ELFN1: variants seen among roughly 807,000 people sequenced by gnomAD.
The protein encoded by ELFN1 is protein ELFN1.
Under a neutral mutation model 7.6 loss-of-function variants are expected in ELFN1, and 6 were observed. The observed-to-expected ratio is 0.79, with a 90% confidence interval of 0.43 to 1.56. The LOEUF is 1.56. Among genes scored for constraint, ELFN1 ranks in the 40% most tolerant of loss-of-function variants. The probability of loss-of-function intolerance (pLI) is 0.01; values close to 1 mark genes in which losing one functional copy is unlikely to be tolerated. For synonymous variants in ELFN1, 657 were observed against 588.1 expected (o/e 1.12, Z -1.70); for missense variants, 1,169 against 1,232.2 (o/e 0.95, Z 0.77).
Position 1,747,164 on chromosome 7 carries a change from G to C in ELFN1, c.*81G>C. 5.9e-6 allele frequency: 8 copies of C among 1,357,976 alleles called. No individual in the cohort carries two copies. Among genetic ancestry groups the C allele is most frequent in the Non-Finnish European group, 7.7e-6 (8 of 1,037,792 alleles). 84.1% of individuals were successfully genotyped at this position (1,357,976 alleles called of 1,614,324 possible). ...AGACTCAGCACCAAACCCAACACAC[G>C]CACGCCACCACAGCAACTGTGACAG... On this transcript the variant is annotated 3_prime_UTR_variant, in exon 4 of 4. Coordinates refer to ENST00000424383, the MANE Select transcript of ELFN1 (RefSeq NM_001128636.4).
chr7:1,697,569 G>T (rs1005455790), intron 2 of ELFN1, among the ~76,000 whole-genome samples: 1 of 152,162 alleles, frequency 6.6e-6, no homozygotes. Flanking sequence ...CTGTCTTCTC[G>T]TCCACGCACC....
chr7:1,709,279 TCTCCG>T (rs1254444063), intron 3 of ELFN1, 27 bp downstream of exon 3: 2 of 152,192 alleles, frequency 1.3e-5, no homozygotes, highest in African/African-American at 4.8e-5. Flanking sequence ...TTCCTCATGC[TCTCCG>T]CAGGGGGTTG....
At position 1,745,336 on chromosome 7, in the gene ELFN1, A is replaced by G. The variant is rs1228104527; in HGVS notation, c.740A>G (p.Gln247Arg). Residue 247 changes from glutamine to arginine, a missense_variant, in exon 4 of 4, where the codon CAG becomes CGG. Coordinates refer to ENST00000424383, the MANE Select transcript of ELFN1 (RefSeq NM_001128636.4). ...CACCGCAGCATCCTCAGCAAACTGC[A>G]GTCAGTCTGCACCGAGGACTCGTAC... ...RGHRSILSKLQSVCTEDSYAA... is the reference protein window; with the variant it reads ...RGHRSILSKLRSVCTEDSYAA... 3.9e-6 allele frequency: 6 copies of G among 1,539,802 alleles called. No homozygotes were observed. Among genetic ancestry groups the G allele is most frequent in the Non-Finnish European group, 8.7e-7 (1 of 1,146,718 alleles).
rs1779284705 is a variant in ELFN1 at position 1,695,558 on chromosome 7, CA to C, written c.-456+7410del. ...GCCAGGAGTTCAAGACAAGCCTGGC[CA>C]ACATGGAGAAACCCCGTCTCTACTA... On this transcript the variant is annotated intron_variant, in intron 2 of 3. Transcript: ENST00000424383. This position sits in a 1 kb window ranked among gnomAD's most constrained non-coding sequence, Gnocchi z 5.1. Among the ~76,000 whole-genome samples, 1 of 152,028 alleles carries C rather than the reference CA, an allele frequency of 6.6e-6. No individual in the cohort carries two copies. Among genetic ancestry groups the C allele is most frequent in the South Asian group, 2.1e-4 (1 of 4,808 alleles).
At chr7:1,710,323 G>A (rs1045428877) in intron 3 of ELFN1, among the ~76,000 whole-genome samples, 6 of 152,160 alleles carry the variant, frequency 3.9e-5, no homozygotes, top group Admixed American at 1.3e-4. Flanking sequence ...TTTTCTGCTC[G>A]TGGTCAGATG....
intron 2 of ELFN1, among the ~76,000 whole-genome samples, chr7:1,688,476 C>G (rs1779098281): frequency 6.6e-6 from 1 of 152,130 alleles, no homozygotes; most frequent in South Asian, 2.1e-4. Flanking sequence ...GACATTTAGA[C>G]TTTTAATCCA....
upstream of ELFN1, among the ~76,000 whole-genome samples, chr7:1,666,284 TG>T (rs1004376270): frequency 2.8e-5 from 4 of 141,114 alleles, no homozygotes; most frequent in East Asian, 2.1e-4. The surrounding 1 kb of genome is among the most constrained non-coding windows in gnomAD (Gnocchi z 7.9). Flanking sequence ...GGATGCTCTC[TG>T]GGGGGGGCGG....
chr7:1,734,987 G>A (rs539218133), intron 3 of ELFN1, among the ~76,000 whole-genome samples: 21 of 152,222 alleles, frequency 1.4e-4, no homozygotes, highest in African/African-American at 4.8e-4. Context: ...GAGCCACTGC[G>A]CCCGCTCCGG....
intron 1 of ELFN1, among the ~76,000 whole-genome samples, chr7:1,678,076 T>C (rs1778905825): frequency 6.6e-6 from 1 of 151,922 alleles, no homozygotes; most frequent in African/African-American, 2.4e-5. Context: ...AAATCCAGTG[T>C]TCCCGCACCC....
intron 3 of ELFN1, among the ~76,000 whole-genome samples, chr7:1,742,782 T>C (rs1338585550): frequency 2.6e-5 from 4 of 152,136 alleles, no homozygotes; most frequent in African/African-American, 9.7e-5. Flanking sequence ...AGAAATAGAC[T>C]CTTCTCCAGG....
chr7:1,700,298 AG>A (rs1249913790), intron 2 of ELFN1, among the ~76,000 whole-genome samples: 1 of 152,164 alleles, frequency 6.6e-6, no homozygotes, highest in African/African-American at 2.4e-5. Flanking sequence ...GACCACAGTC[AG>A]GGTGAAGACG....
In ELFN1 at chr7:1,705,284, A is replaced by G. The variant is rs1268292889; in HGVS notation, c.-455-3807A>G. Among the ~76,000 whole-genome samples the G allele has an allele frequency of 6.6e-6, 1 of 152,202 alleles. No homozygotes were observed. The highest frequency in any genetic ancestry group is 2.1e-4 in the South Asian group (1 of 4,836). ...CCCCTCCTCCCCACCTCGCTAAACA[A>G]TCATTGCACAAAATATGCAAATGGT... On this transcript the variant is annotated intron_variant, in intron 2 of 3. Transcript: ENST00000424383. This position sits in a 1 kb window ranked among gnomAD's most constrained non-coding sequence, Gnocchi z 4.3.
intron 2 of ELFN1, among the ~76,000 whole-genome samples, chr7:1,696,879 G>A (rs1779326270): frequency 6.6e-6 from 1 of 152,210 alleles, no homozygotes; most frequent in Admixed American, 6.5e-5. Context: ...AGGAGCTGAG[G>A]GTCCGGTGGG....
In ELFN1 at chr7:1,747,190, C is replaced by A; in HGVS notation, c.*107C>A. The stretch of plus-strand genomic sequence containing the variant: ...CACGCCACCACAGCAACTGTGACAG[C>A]GGGGGGCCCTGCAGAGGCGAGGGGG... On this transcript the variant is annotated 3_prime_UTR_variant, in exon 4 of 4. Coordinates refer to ENST00000424383, the MANE Select transcript of ELFN1 (RefSeq NM_001128636.4). 2 of 1,278,582 alleles carry A rather than the reference C, an allele frequency of 1.6e-6. No individual in the cohort carries two copies. The highest frequency in any genetic ancestry group is 1.0e-6 in the Non-Finnish European group (1 of 966,106). 79.2% of individuals were successfully genotyped at this position (1,278,582 alleles called of 1,614,324 possible).
At position 1,747,090 on chromosome 7, in the gene ELFN1, C is replaced by CA. The variant is rs1450765796; in HGVS notation, c.*9dup. 6.8e-7 allele frequency: 1 copy of CA among 1,470,326 alleles called. No homozygotes were observed. Among genetic ancestry groups the CA allele is most frequent in the African/African-American group, 1.4e-5 (1 of 69,884 alleles). 91.1% of individuals were successfully genotyped at this position (1,470,326 alleles called of 1,614,324 possible). ...GGCCCAGCACAAGTCCTGAGCCCCC[C>CA]AAGACCGGCGATGCCCACTGGACCA... On this transcript the variant is annotated 3_prime_UTR_variant, in exon 4 of 4. Coordinates refer to ENST00000424383, the MANE Select transcript of ELFN1 (RefSeq NM_001128636.4).
intron 3 of ELFN1, among the ~76,000 whole-genome samples, chr7:1,723,215 G>A (rs1780077450): frequency 1.3e-5 from 2 of 152,132 alleles, no homozygotes; most frequent in African/African-American, 4.8e-5. Flanking sequence ...TTTTTTCATA[G>A]TGGTCAAATA....
chr7:1,737,674 GCCAGCTCCTGCTTGAA>G (rs1780487987), intron 3 of ELFN1, among the ~76,000 whole-genome samples: 2 of 152,038 alleles, frequency 1.3e-5, no homozygotes. Context: ...TGTCCTCTGC[GCCAGCTCCTGCTTGAA>G]CACCCCTGCT....
chr7:1,667,747 C>T (rs1168747605), upstream of ELFN1, among the ~76,000 whole-genome samples: 2 of 152,156 alleles, frequency 1.3e-5, no homozygotes, highest in Non-Finnish European at 2.9e-5. This position sits in a 1 kb window ranked among gnomAD's most constrained non-coding sequence, Gnocchi z 8.2. Flanking sequence ...GTTCCAACCT[C>T]CCAGCTTCAC....
At chr7:1,685,684 T>G (rs1443872177) in intron 1 of ELFN1, among the ~76,000 whole-genome samples, 2 of 151,600 alleles carry the variant, frequency 1.3e-5, no homozygotes, top group African/African-American at 4.8e-5. Flanking sequence ...TTTTGTGTTT[T>G]GAGTCACTAT....
Sources: gnomAD v4.1 joint callset for allele counts (sites outside exome capture counted in the v4.1 genomes callset) on GRCh38, gnomAD v4.1.1 for gene constraint, Gnocchi (gnomAD v3.1) non-coding constraint, MANE v1.5 for transcripts, NCBI Gene and HGNC (gene_info 2026-07-23, HGNC 2026-07-21) for gene names.